MZT1: variants seen among roughly 807,000 people sequenced by gnomAD.
MZT1 encodes mitotic spindle organizing protein 1.
A neutral mutation model predicts 8.5 loss-of-function variants in MZT1; 8 were observed. The ratio of observed to expected loss-of-function variants is 0.94; its 90% confidence interval spans 0.55 to 1.70. The LOEUF (loss-of-function observed/expected upper bound fraction) is 1.70. Among genes scored for constraint, MZT1 ranks in the 40% most tolerant of loss-of-function variants. The probability of loss-of-function intolerance (pLI) is 0.00; values close to 1 mark genes in which losing one functional copy is unlikely to be tolerated. For missense variants in MZT1, 93 were observed against 108.6 expected (o/e 0.86, Z 0.64); for synonymous variants, 38 against 42.0 (o/e 0.90, Z 0.37).
chr13:72,712,549 T>C (rs2032498140), intron 2 of MZT1, among the ~76,000 whole-genome samples: 1 of 152,222 alleles, frequency 6.6e-6, no homozygotes. Flanking sequence ...AGACAGATTT[T>C]CCATTCAAAT....
chr13:72,727,119 C>T (rs2032675973), intron 1 of MZT1, among the ~76,000 whole-genome samples: 1 of 152,246 alleles, frequency 6.6e-6, no homozygotes, highest in Admixed American at 6.5e-5. Context: ...TTGGGGACCC[C>T]CGAAGCGCCC....
At chr13:72,727,498 G>A (rs771084236) in intron 1 of MZT1, 26 bp downstream of exon 1, 22 of 1,611,766 alleles carry the variant, frequency 1.4e-5, no homozygotes, top group South Asian at 3.3e-5. Flanking sequence ...GGCACGCAAG[G>A]TAAAGGGAGC....
At position 72,710,299 on chromosome 13, in the gene MZT1, C is replaced by T. The variant is rs2032476006; in HGVS notation, c.*23G>A. The T allele has an allele frequency of 6.2e-7, 1 of 1,612,106 alleles. No individual in the cohort carries two copies. The highest frequency in any genetic ancestry group is 8.5e-7 in the Non-Finnish European group (1 of 1,178,562). ...AACCCTCTTGCAGAGCTTGACATAT[C>T]TCATCAGAATTTCTCCAGAAAGTCA... is the stretch of plus-strand genomic sequence containing the variant. On this transcript the variant is annotated 3_prime_UTR_variant, in exon 3 of 3. Coordinates refer to ENST00000377818, the MANE Select transcript of MZT1 (RefSeq NM_001071775.3).
chr13:72,714,090 G>T (rs894279514), intron 2 of MZT1, among the ~76,000 whole-genome samples: 1 of 149,284 alleles, frequency 6.7e-6, no homozygotes, highest in Non-Finnish European at 1.5e-5. Context: ...TCTAAGACAC[G>T]GCCCTTCCCA....
chr13:72,719,672 TAA>T (rs1040354286), intron 1 of MZT1, among the ~76,000 whole-genome samples: 116 of 152,332 alleles, frequency 7.6e-4, no homozygotes, highest in African/African-American at 2.6e-3. Flanking sequence ...TTTAAGGCTT[TAA>T]AAGTGTTTAG....
chr13:72,723,343 C>T (rs971592575), intron 1 of MZT1, among the ~76,000 whole-genome samples: 8 of 152,142 alleles, frequency 5.3e-5, no homozygotes, highest in African/African-American at 1.9e-4. Context: ...TCTTTAGTGC[C>T]TACCATATGA....
At chr13:72,725,131 C>T (rs1265152704) in intron 1 of MZT1, among the ~76,000 whole-genome samples, 1 of 150,110 alleles carries the variant, frequency 6.7e-6, no homozygotes, top group African/African-American at 2.4e-5. Flanking sequence ...ATGCACAGGA[C>T]GATTTTAGAG....
chr13:72,724,557 G>A (rs1244707337), intron 1 of MZT1, among the ~76,000 whole-genome samples: 1 of 68,882 alleles, frequency 1.5e-5, no homozygotes, highest in Non-Finnish European at 3.1e-5. Context: ...TTTTTTTTTT[G>A]AGATGGAGTC....
intron 2 of MZT1, 81 bp from the exon 3 acceptor site, chr13:72,710,426 T>C: frequency 8.0e-7 from 1 of 1,255,658 alleles, no homozygotes; most frequent in South Asian, 1.2e-5. Flanking sequence ...AATACTGCAC[T>C]GTCATTAACA....
At chr13:72,711,785 A>C (rs1439146556) in intron 2 of MZT1, among the ~76,000 whole-genome samples, 1 of 152,150 alleles carries the variant, frequency 6.6e-6, no homozygotes, top group Middle Eastern at 3.2e-3. Flanking sequence ...AAAGCCAATA[A>C]AAGGGTGGTC....
At chr13:72,722,074 T>C (rs1057030671) in intron 1 of MZT1, among the ~76,000 whole-genome samples, 2 of 152,242 alleles carry the variant, frequency 1.3e-5, no homozygotes, top group African/African-American at 4.8e-5. Context: ...GTTCCTGCCT[T>C]CGTCTATTTA....
rs1180726488 is a variant in MZT1, at chr13:72,724,752, A to ATATATATATATATGTGTG, written c.79+2771_79+2772insCACACATATATATATATA. ...TATATATATATATACACATATATAT[A>ATATATATATATATGTGTG]TGTAAAGTGGTGCTACAGGCCGGGC... On this transcript the variant is annotated intron_variant, in intron 1 of 2. Transcript: ENST00000377818. Among the ~76,000 whole-genome samples, 50 of 56,880 alleles carry ATATATATATATATGTGTG rather than the reference A, an allele frequency of 8.8e-4. 10 individuals carry two copies. The highest frequency in any genetic ancestry group is 1.1e-3 in the Non-Finnish European group (30 of 26,826). 37.3% of individuals were successfully genotyped at this position (56,880 alleles called of 152,430 possible).
At chr13:72,723,873 C>T (rs936498589) in intron 1 of MZT1, among the ~76,000 whole-genome samples, 1 of 152,034 alleles carries the variant, frequency 6.6e-6, no homozygotes. Flanking sequence ...TGGAATACTT[C>T]TGAAACAAAT....
chr13:72,718,865 A>T (rs1423658911), intron 2 of MZT1, 87 bp downstream of exon 2: 6 of 1,300,556 alleles, frequency 4.6e-6, no homozygotes, highest in Non-Finnish European at 6.2e-6. Flanking sequence ...ACCTTGTTTA[A>T]CCAGGATGTT....
At chr13:72,715,167 T>C (rs1249621709) in intron 2 of MZT1, among the ~76,000 whole-genome samples, 1 of 152,238 alleles carries the variant, frequency 6.6e-6, no homozygotes, top group East Asian at 1.9e-4. Flanking sequence ...GTGTCCTGCA[T>C]GTGGGACACA....
chr13:72,727,195 A>G (rs1465899), intron 1 of MZT1, among the ~76,000 whole-genome samples: 134,145 of 152,178 alleles, frequency 0.88, 61,158 homozygotes, highest in Non-Finnish European at 0.99. Context: ...GGTGGGCGTG[A>G]CGCTGTCACC....
intron 1 of MZT1, among the ~76,000 whole-genome samples, chr13:72,724,908 T>G (rs1275294460): frequency 6.7e-6 from 1 of 148,256 alleles, no homozygotes; most frequent in Non-Finnish European, 1.5e-5. Context: ...AAAAATTAGC[T>G]GGGCGTGGTG....
In MZT1 at chr13:72,719,111, C is replaced by CAAA. The variant is rs753365312; in HGVS notation, c.80-17_80-15dup. On this transcript the variant is annotated splice_polypyrimidine_tract_variant and intron_variant, in intron 1 of 2. Coordinates refer to ENST00000377818, the MANE Select transcript of MZT1 (RefSeq NM_001071775.3). ...TCTCAAGCAGAACTGAAAAAAGATA[C>CAAA]AAAAAAAAAAAAAACTTAAGGCTTA... The CAAA allele has an allele frequency of 2.4e-4, 304 of 1,245,364 alleles. No homozygotes were observed. The highest frequency in any genetic ancestry group is 8.5e-4 in the South Asian group (39 of 46,080). The allele number at this position is 1,245,364 out of a possible 1,614,324, so 77.1% of individuals were successfully genotyped here. A position where few individuals can be genotyped will look rare whatever the true frequency, so the allele number is the denominator to read the frequency against.
chr13:72,722,984 G>A (rs1357051222), intron 1 of MZT1, among the ~76,000 whole-genome samples: 1 of 152,052 alleles, frequency 6.6e-6, no homozygotes, highest in Non-Finnish European at 1.5e-5. Flanking sequence ...CATTCTAAGT[G>A]GTTACCATCA....
Sources: allele counts gnomAD v4.1 joint callset (sites outside exome capture counted in the v4.1 genomes callset), GRCh38; gene constraint gnomAD v4.1.1; transcripts MANE v1.5; gene names NCBI Gene and HGNC (gene_info 2026-07-23, HGNC 2026-07-21).